Variants in WWC2 observed in about 807,000 individuals in gnomAD.
The protein encoded by WWC2 is WW and C2 domain containing 2, also known as protein WWC2.
Under a neutral mutation model 138.5 loss-of-function variants are expected in WWC2, and 101 were observed. The ratio of observed to expected loss-of-function variants is 0.73; its 90% CI spans 0.62 to 0.86. The LOEUF (loss-of-function observed/expected upper bound fraction) is 0.86, where lower values mean the gene tolerates loss of function less well. WWC2 is among the 40% of genes least tolerant of loss of function. The pLI, the probability that WWC2 is intolerant of heterozygous loss-of-function variation, is 0.00. For synonymous variants in WWC2, 558 were observed against 538.4 expected (o/e 1.04, Z -0.50); for missense variants, 1,420 against 1,419.4 (o/e 1.00, Z -0.01).
chr4:183,312,560 G>C (rs1560900485), intron 22 of WWC2, 92 bp downstream of exon 22: 8 of 1,559,698 alleles, frequency 5.1e-6, no homozygotes, highest in Middle Eastern at 1.9e-4. Flanking sequence ...GTTAATATGA[G>C]GATCCGAGAC....
chr4:183,158,007 C>A (rs958196984), intron 1 of WWC2, among the ~76,000 whole-genome samples: 1 of 152,240 alleles, frequency 6.6e-6, no homozygotes, highest in African/African-American at 2.4e-5. Context: ...CACCTTCCCC[C>A]CTTTCCTCCA....
intron 4 of WWC2, among the ~76,000 whole-genome samples, chr4:183,238,026 C>T (rs932545194): frequency 6.6e-6 from 1 of 152,130 alleles, no homozygotes; most frequent in Admixed American, 6.5e-5. Flanking sequence ...TCTCGTGCAC[C>T]TAAAATAATA....
At chr4:183,117,765 C>T (rs1465115234) in intron 1 of WWC2, among the ~76,000 whole-genome samples, 2 of 150,012 alleles carry the variant, frequency 1.3e-5, no homozygotes, top group African/African-American at 4.9e-5. Context: ...CCACCATGCC[C>T]AGCCCGCAGA....
intron 1 of WWC2, among the ~76,000 whole-genome samples, chr4:183,126,687 T>C (rs1252748958): frequency 6.6e-6 from 1 of 152,178 alleles, no homozygotes; most frequent in Non-Finnish European, 1.5e-5. Context: ...AAACTGTGAT[T>C]TGGAAAGTCT....
At chr4:183,255,170 C>T (rs1393332202) in intron 9 of WWC2, among the ~76,000 whole-genome samples, 1 of 152,158 alleles carries the variant, frequency 6.6e-6, no homozygotes, top group Non-Finnish European at 1.5e-5. Flanking sequence ...TAATCTTCTG[C>T]CCTCTTAATA....
intron 4 of WWC2, among the ~76,000 whole-genome samples, chr4:183,232,061 G>T (rs767608483): frequency 6.6e-6 from 1 of 152,106 alleles, no homozygotes; most frequent in Non-Finnish European, 1.5e-5. Context: ...AGAGCGTGTC[G>T]GCCTGACACA....
At chr4:183,245,910 G>GATAT (rs1458679762) in intron 6 of WWC2, among the ~76,000 whole-genome samples, 1 of 152,206 alleles carries the variant, frequency 6.6e-6, no homozygotes, top group Non-Finnish European at 1.5e-5. Flanking sequence ...ATACACAAGG[G>GATAT]ATATATCATT....
In WWC2 at chr4:183,253,876, T is replaced by G; in HGVS notation, c.1073T>G (p.Leu358Arg). 6.2e-7 allele frequency: 1 copy of G among 1,613,836 alleles called. No individual in the cohort carries two copies. Among genetic ancestry groups the G allele is most frequent in the African/African-American group, 1.3e-5 (1 of 75,014 alleles). The stretch of plus-strand genomic sequence containing the variant: ...GAAAAAGAAGAACTTTTGAAAGAGC[T>G]TCAGTTCGTCACCCCACAGAAACGT... ...INEKEELLKE[L>R]QFVTPQKRTQ... The change falls in exon 9 of 23, where the codon CTT (leucine) becomes CGT (arginine). Residue 358 changes from leucine to arginine, a missense_variant. Coordinates refer to ENST00000403733, the MANE Select transcript of WWC2 (RefSeq NM_024949.6).
chr4:183,116,872 C>T (rs896319650), intron 1 of WWC2, among the ~76,000 whole-genome samples: 4 of 152,064 alleles, frequency 2.6e-5, no homozygotes, highest in Non-Finnish European at 5.9e-5. Flanking sequence ...TGCAAGATAC[C>T]CAGTACAATG....
chr4:183,231,492 A>G (rs1736246091), intron 4 of WWC2, among the ~76,000 whole-genome samples: 1 of 149,816 alleles, frequency 6.7e-6, no homozygotes, highest in Admixed American at 6.7e-5. Context: ...CTGATCTTGA[A>G]CTCCCGACCT....
At chr4:183,291,065 C>T (rs1470389964) in intron 21 of WWC2, among the ~76,000 whole-genome samples, 1 of 152,204 alleles carries the variant, frequency 6.6e-6, no homozygotes, top group Non-Finnish European at 1.5e-5. Flanking sequence ...GGTGTTTGCT[C>T]AGTGTGGAGT....
rs916791670 is a variant in WWC2 at position 183,107,938 on chromosome 4, G to T, written c.131+8316G>T. On this transcript the variant is annotated intron_variant, in intron 1 of 22. Transcript: ENST00000403733. ...ATTTTCTCTATATTCCTATATTTCA[G>T]TTTAAGGGTACCTTCTTCCTAAACA... is the stretch of plus-strand genomic sequence containing the variant. Among the ~76,000 whole-genome samples, 4 of 151,942 alleles carry T rather than the reference G, an allele frequency of 2.6e-5. No homozygotes were observed. The East Asian group carries it at 7.7e-4, about 29-fold the overall frequency.
At chr4:183,128,348 A>G (rs1034920706) in intron 1 of WWC2, among the ~76,000 whole-genome samples, 2 of 152,002 alleles carry the variant, frequency 1.3e-5, no homozygotes, top group African/African-American at 2.4e-5. Flanking sequence ...AAGAAAAAAA[A>G]AAGAAGAAGA....
chr4:183,319,369 AT>A lies in WWC2; in HGVS notation c.*3644del. 6.2e-6 allele frequency: 4 copies of A among 643,326 alleles called. No individual in the cohort carries two copies. Among genetic ancestry groups the A allele is most frequent in the Non-Finnish European group, 1.1e-5 (4 of 375,296 alleles). 39.9% of individuals were successfully genotyped at this position (643,326 alleles called of 1,614,324 possible). ...TGTCATTACTATTCAGTCTTGATTG[AT>A]TTTGGTCTCAGACTAGAAGATAAAA... On this transcript the variant is annotated 3_prime_UTR_variant, in exon 23 of 23. Coordinates refer to ENST00000403733, the MANE Select transcript of WWC2 (RefSeq NM_024949.6).
At chr4:183,261,884 GC>G (rs1376681330) in intron 11 of WWC2, among the ~76,000 whole-genome samples, 7 of 152,152 alleles carry the variant, frequency 4.6e-5, no homozygotes, top group Non-Finnish European at 7.4e-5. Context: ...TTAAAAGTTG[GC>G]CTAAAACAGA....
intron 6 of WWC2, among the ~76,000 whole-genome samples, chr4:183,246,102 C>T (rs921769504): frequency 2.6e-5 from 4 of 152,220 alleles, no homozygotes; most frequent in Non-Finnish European, 1.5e-5. Flanking sequence ...GATCCCCTTA[C>T]TAAACCTGTT....
chr4:183,117,757 A>C (rs1190150959), intron 1 of WWC2, among the ~76,000 whole-genome samples: 2 of 149,476 alleles, frequency 1.3e-5, no homozygotes, highest in African/African-American at 4.9e-5. Context: ...GGCGTGAGCC[A>C]CCATGCCCAG....
chr4:183,202,106 T>G (rs1358384974), intron 2 of WWC2, among the ~76,000 whole-genome samples: 1 of 152,128 alleles, frequency 6.6e-6, no homozygotes, highest in Non-Finnish European at 1.5e-5. Flanking sequence ...TAGGCAAATC[T>G]GAGCAAGTTT....
chr4:183,117,255 C>T (rs1473243081), intron 1 of WWC2, among the ~76,000 whole-genome samples: 1 of 117,672 alleles, frequency 8.5e-6, no homozygotes, highest in African/African-American at 3.3e-5. Context: ...GAGTCTTGCT[C>T]TGTCCCCCAG....
Sources: gnomAD v4.1 joint callset for allele counts (sites outside exome capture counted in the v4.1 genomes callset) on GRCh38, gnomAD v4.1.1 for gene constraint, MANE v1.5 for transcripts, NCBI Gene and HGNC (gene_info 2026-07-23, HGNC 2026-07-21) for gene names.